The following PRKACB variants were observed in gnomAD, a reference collection of about 807,000 sequenced individuals.
The protein encoded by PRKACB is protein kinase cAMP-activated catalytic subunit beta.
Under a neutral mutation model 51.4 loss-of-function variants are expected in PRKACB, and 16 were observed. That is an observed-to-expected ratio of 0.31 (90% CI 0.21 to 0.47). PRKACB has a LOEUF of 0.47. Ranked by LOEUF, PRKACB falls within the 20% of genes least tolerant of loss-of-function variation. The probability of loss-of-function intolerance (pLI) is 1.00; values close to 1 mark genes in which losing one functional copy is unlikely to be tolerated. For synonymous variants in PRKACB, 147 were observed against 154.4 expected (o/e 0.95, Z 0.35); for missense variants, 309 against 464.5 (o/e 0.67, Z 3.08).
chr1:84,106,644 A>G lies in PRKACB; in HGVS notation c.46+28273A>G, dbSNP rs549713273. On this transcript the variant is annotated intron_variant, in intron 1 of 8. Coordinates refer to the PRKACB transcript ENST00000370688. ...GGAAGAGCACTCCATGCTCTTAGAT[A>G]GGAAGAATCAATATGGTTAAAATGG... 1.5e-3 allele frequency among the ~76,000 whole-genome samples: 225 copies of G among 152,324 alleles called. 2 individuals carry two copies. The highest frequency in any genetic ancestry group is 4.0e-3 in the Admixed American group (61 of 15,288).
rs942103023 is a variant in PRKACB at position 84,230,275 on chromosome 1, C to A, written c.1072-4905C>A. Among the ~76,000 whole-genome samples, 6 of 151,930 alleles carry A rather than the reference C, an allele frequency of 3.9e-5. No homozygotes were observed. In the South Asian group the frequency reaches 1.2e-3, roughly 32 times the overall value. On this transcript the variant is annotated intron_variant, in intron 9 of 9. Transcript: ENST00000370685. ...TGGCATTATTTCTGAGGGCTCTGTT[C>A]TGTTCCATTGATCTATATCTCTGTT...
chr1:84,085,151 A>G (rs1647863472), intron 1 of PRKACB, among the ~76,000 whole-genome samples: 1 of 152,236 alleles, frequency 6.6e-6, no homozygotes, highest in Non-Finnish European at 1.5e-5. Context: ...TATTACTTTT[A>G]TAATTTAAGT....
At chr1:84,125,023 TA>T (rs748808997) in intron 1 of PRKACB, among the ~76,000 whole-genome samples, 1 of 152,192 alleles carries the variant, frequency 6.6e-6, no homozygotes, top group Non-Finnish European at 1.5e-5. Context: ...AATTTTCTAT[TA>T]TTGCTATAAC....
intron 1 of PRKACB, among the ~76,000 whole-genome samples, chr1:84,172,224 C>A (rs958571870): frequency 6.6e-6 from 1 of 151,604 alleles, no homozygotes; most frequent in Non-Finnish European, 1.5e-5. Flanking sequence ...ATTCTTAACT[C>A]CATATTGTCG....
chr1:84,155,070 A>G (rs1655311433), intron 1 of PRKACB, among the ~76,000 whole-genome samples: 1 of 152,150 alleles, frequency 6.6e-6, no homozygotes, highest in East Asian at 1.9e-4. Flanking sequence ...TAGCATCTAA[A>G]TTGGAAAGGA....
At chr1:84,232,412 A>T (rs1675851450) in intron 9 of PRKACB, among the ~76,000 whole-genome samples, 2 of 152,154 alleles carry the variant, frequency 1.3e-5, no homozygotes, top group African/African-American at 4.8e-5. Context: ...TTTGGGGTAG[A>T]GAGTTCTGTA....
At chr1:84,193,977 C>T (rs111232267) in intron 5 of PRKACB, among the ~76,000 whole-genome samples, 8 of 152,084 alleles carry the variant, frequency 5.3e-5, no homozygotes, top group African/African-American at 1.9e-4. Context: ...ATTTTAATTA[C>T]CCGAGGCCTA....
rs182709307 is a variant in PRKACB, at chr1:84,134,522, G to T, written c.47-44655G>T. Among the ~76,000 whole-genome samples the T allele has an allele frequency of 1.3e-4, 20 of 152,262 alleles. No homozygotes were observed. The East Asian group carries it at 3.7e-3, about 28-fold the overall frequency. ...AGAAAACAGTGTAGTGTTATTTGAA[G>T]GTGGACTTAGATTAGTTAAAAATGA... On this transcript the variant is annotated intron_variant, in intron 1 of 8. Transcript: ENST00000370688.
At chr1:84,128,640 G>T (rs1651874652) in intron 1 of PRKACB, among the ~76,000 whole-genome samples, 1 of 152,054 alleles carries the variant, frequency 6.6e-6, no homozygotes, top group African/African-American at 2.4e-5. Flanking sequence ...AGTTTACAAA[G>T]AAATTTTATG....
intron 1 of PRKACB, among the ~76,000 whole-genome samples, chr1:84,087,205 G>T (rs962165577): frequency 6.6e-6 from 1 of 152,226 alleles, no homozygotes; most frequent in Non-Finnish European, 1.5e-5. Context: ...AGCATGGGAA[G>T]TCTATTCTGT....
chr1:84,179,038 C>A, intron 1 of PRKACB, 139 bp from the exon 2 acceptor site: 1 of 997,088 alleles, frequency 1.0e-6, no homozygotes, highest in Non-Finnish European at 1.4e-6. Flanking sequence ...TTTAATGTAT[C>A]ATGGTGATAA....
chr1:84,131,095 G>A (rs1287882596), intron 1 of PRKACB, among the ~76,000 whole-genome samples: 3 of 152,140 alleles, frequency 2.0e-5, no homozygotes, highest in South Asian at 2.1e-4. Flanking sequence ...GGTGGCTCAC[G>A]CCTGTAAACC....
At chr1:84,106,923 C>G (rs1414476292) in intron 1 of PRKACB, among the ~76,000 whole-genome samples, 2 of 152,042 alleles carry the variant, frequency 1.3e-5, no homozygotes, top group South Asian at 2.1e-4. Flanking sequence ...ACCAATGGAA[C>G]AGAATAGAGA....
chr1:84,200,330 G>T lies in PRKACB; in HGVS notation c.784-2353G>T, dbSNP rs142847024. 3.2e-3 allele frequency among the ~76,000 whole-genome samples: 485 copies of T among 152,166 alleles called. 1 individual carries two copies. Among genetic ancestry groups the T allele is most frequent in the African/African-American group, 0.011 (456 of 41,508 alleles). On this transcript the variant is annotated intron_variant, in intron 7 of 9. Coordinates refer to ENST00000370685, the MANE Select transcript of PRKACB (RefSeq NM_182948.4). ...ATGTCCTTTGCCCACCTTTTCATGG[G>T]GTTGTTTGTTTCTTGTAAATTTGTT... is the stretch of plus-strand genomic sequence containing the variant.
At chr1:84,141,468 A>G (rs1270172608), upstream of PRKACB, among the ~76,000 whole-genome samples, 2 of 152,138 alleles carry the variant, frequency 1.3e-5, no homozygotes, top group Non-Finnish European at 2.9e-5. Context: ...ACATTACCAC[A>G]TATAGAAACA....
chr1:84,122,303 C>T (rs561197684), intron 1 of PRKACB, among the ~76,000 whole-genome samples: 78 of 152,116 alleles, frequency 5.1e-4, no homozygotes, highest in Non-Finnish European at 8.8e-4. Flanking sequence ...CATGTTAAGA[C>T]AAATTGGTGT....
At chr1:84,229,021 G>T (rs969581907) in intron 9 of PRKACB, among the ~76,000 whole-genome samples, 2 of 148,586 alleles carry the variant, frequency 1.3e-5, no homozygotes, top group Admixed American at 6.7e-5. Context: ...ATGCTGGTGC[G>T]CTGCACCCAC....
At chr1:84,178,809 A>G (rs1662212739) in intron 1 of PRKACB, 1 of 156,200 alleles carries the variant, frequency 6.4e-6, no homozygotes, top group Admixed American at 6.5e-5. Context: ...CATGTTTTCA[A>G]TTCTTGTATC....
At chr1:84,131,469 A>C (rs1187882061) in intron 1 of PRKACB, among the ~76,000 whole-genome samples, 1 of 152,218 alleles carries the variant, frequency 6.6e-6, no homozygotes, top group African/African-American at 2.4e-5. Flanking sequence ...CAAGTAATTC[A>C]AAAGAAGGCA....
Sources: gnomAD v4.1 joint callset for allele counts (sites outside exome capture counted in the v4.1 genomes callset) on GRCh38, gnomAD v4.1.1 for gene constraint, MANE v1.5 for transcripts, NCBI Gene and HGNC (gene_info 2026-07-23, HGNC 2026-07-21) for gene names.